The following COL25A1 variants were observed in gnomAD, a reference collection of about 807,000 sequenced individuals.
The protein encoded by COL25A1 is collagen alpha-1(XXV) chain.
In COL25A1, 103 loss-of-function variants were observed where a neutral mutation model predicts 128.4. The observed-to-expected ratio is 0.80, with a 90% CI of 0.68 to 0.94. The LOEUF is 0.94. Among genes scored for constraint, COL25A1 ranks in the 40% least tolerant of loss-of-function variants. The pLI is 0.00. For synonymous variants in COL25A1, 279 were observed against 277.2 expected (o/e 1.01, Z -0.06); for missense variants, 745 against 840.0 (o/e 0.89, Z 1.40).
chr4:108,835,012 A>G (rs1477762649), intron 31 of COL25A1, among the ~76,000 whole-genome samples: 1 of 152,216 alleles, frequency 6.6e-6, no homozygotes, highest in Non-Finnish European at 1.5e-5. Context: ...GGAAAGGGAA[A>G]AAGCCAGAAA....
chr4:108,984,310 G>A (rs1753399757), intron 6 of COL25A1, among the ~76,000 whole-genome samples: 1 of 152,216 alleles, frequency 6.6e-6, no homozygotes, highest in South Asian at 2.1e-4. Context: ...ACCAGACTCA[G>A]GAGCCCAGCT....
chr4:109,196,035 T>C (rs1179723904), intron 3 of COL25A1, among the ~76,000 whole-genome samples: 1 of 152,222 alleles, frequency 6.6e-6, no homozygotes, highest in Non-Finnish European at 1.5e-5. Flanking sequence ...AAGAAGGTAA[T>C]TGACCAAAGA....
intron 3 of COL25A1, among the ~76,000 whole-genome samples, chr4:109,272,906 G>T (rs974201137): frequency 3.3e-5 from 5 of 152,172 alleles, no homozygotes; most frequent in African/African-American, 1.2e-4. Context: ...CCATGGCTGG[G>T]TATTAAGTAC....
At chr4:109,136,464 C>A (rs1452917414) in intron 3 of COL25A1, among the ~76,000 whole-genome samples, 1 of 152,168 alleles carries the variant, frequency 6.6e-6, no homozygotes, top group African/African-American at 2.4e-5. Context: ...AGCAAGAGCT[C>A]CTACCCAAAT....
intron 3 of COL25A1, among the ~76,000 whole-genome samples, chr4:109,190,801 T>A (rs1399695160): frequency 6.6e-6 from 1 of 152,148 alleles, no homozygotes; most frequent in East Asian, 1.9e-4. Context: ...ATCTCCTCTC[T>A]ATATAGGCCT....
intron 6 of COL25A1, among the ~76,000 whole-genome samples, chr4:109,001,768 TG>T (rs1755438114): frequency 6.6e-6 from 1 of 152,184 alleles, no homozygotes; most frequent in Non-Finnish European, 1.5e-5. Context: ...ATTACCCAGA[TG>T]TGCAGGTGGA....
intron 6 of COL25A1, among the ~76,000 whole-genome samples, chr4:109,009,772 C>G (rs1481449390): frequency 6.6e-6 from 1 of 152,104 alleles, no homozygotes; most frequent in African/African-American, 2.4e-5. Context: ...TTTCTGAAAA[C>G]TCACGTATTT....
intron 3 of COL25A1, among the ~76,000 whole-genome samples, chr4:109,220,455 G>A (rs1778331180): frequency 6.6e-6 from 1 of 152,150 alleles, no homozygotes; most frequent in Non-Finnish European, 1.5e-5. Flanking sequence ...TTTTACACCA[G>A]ACACACTGTG....
At chr4:108,847,802 A>C (rs549537243) in intron 27 of COL25A1, among the ~76,000 whole-genome samples, 1 of 152,304 alleles carries the variant, frequency 6.6e-6, no homozygotes, top group African/African-American at 2.4e-5. Context: ...TTATTTCAGC[A>C]TATAACTCTG....
At chr4:109,062,914 A>G (rs1762099622) in intron 3 of COL25A1, among the ~76,000 whole-genome samples, 1 of 152,252 alleles carries the variant, frequency 6.6e-6, no homozygotes, top group Admixed American at 6.5e-5. Context: ...TTTTATGCTG[A>G]GATAAAAATG....
chr4:108,941,341 A>G, intron 9 of COL25A1, 25 bp downstream of exon 9: 1 of 1,592,356 alleles, frequency 6.3e-7, no homozygotes, highest in Non-Finnish European at 8.6e-7. Context: ...AGAAGAAATC[A>G]GACTTCAGCA....
chr4:108,999,649 A>G (rs1346959964), intron 6 of COL25A1, among the ~76,000 whole-genome samples: 1 of 152,204 alleles, frequency 6.6e-6, no homozygotes, highest in East Asian at 1.9e-4. Context: ...TCATGCTACT[A>G]TAAAGACACA....
At chr4:109,188,866 A>C (rs1181930255) in intron 3 of COL25A1, among the ~76,000 whole-genome samples, 1 of 152,150 alleles carries the variant, frequency 6.6e-6, no homozygotes, top group Admixed American at 6.5e-5. Flanking sequence ...TGATTAAAAG[A>C]CCATGGGATA....
At position 109,137,051 on chromosome 4, in the gene COL25A1, C is replaced by T. The variant is rs527885629; in HGVS notation, c.368-86872G>A. Among the ~76,000 whole-genome samples, 13 of 152,294 alleles carry T rather than the reference C, an allele frequency of 8.5e-5. No homozygotes were observed. The South Asian group carries it at 2.7e-3, about 32-fold the overall frequency. The stretch of plus-strand genomic sequence containing the variant: ...AGACCCGGAGTCAGAACACCCATTC[C>T]TAGACACCTGACCCACAGAAACTGT... On this transcript the variant is annotated intron_variant, in intron 3 of 37. Transcript: ENST00000399132.
intron 11 of COL25A1, among the ~76,000 whole-genome samples, chr4:108,934,434 T>C (rs1481720331): frequency 6.6e-6 from 1 of 152,108 alleles, no homozygotes; most frequent in African/African-American, 2.4e-5. Context: ...TGTATACCTA[T>C]GTATCAAATC....
chr4:109,253,262 G>T (rs979139339), intron 3 of COL25A1, among the ~76,000 whole-genome samples: 1 of 152,180 alleles, frequency 6.6e-6, no homozygotes, highest in Non-Finnish European at 1.5e-5. Context: ...TATGGAGGCT[G>T]AAATGTTCCA....
chr4:109,278,847 A>G (rs1390297228), intron 3 of COL25A1, among the ~76,000 whole-genome samples: 1 of 152,204 alleles, frequency 6.6e-6, no homozygotes, highest in African/African-American at 2.4e-5. Context: ...ATTAACTTTT[A>G]TTTCTCACAG....
intron 13 of COL25A1, among the ~76,000 whole-genome samples, chr4:108,914,919 A>C (rs1233998227): frequency 6.6e-6 from 1 of 152,216 alleles, no homozygotes. Flanking sequence ...TGTCTAATTA[A>C]TACTACAAGG....
chr4:109,232,347 A>T lies in COL25A1; in HGVS notation c.367+68236T>A, dbSNP rs559821523. On this transcript the variant is annotated intron_variant, in intron 3 of 37. Transcript: ENST00000399132. The stretch of plus-strand genomic sequence containing the variant: ...TTCGTATTACTATTTCAGTCAATAA[A>T]AATTACAAGATGACTTTAGATATTG... 5.2e-4 allele frequency among the ~76,000 whole-genome samples: 60 copies of T among 114,654 alleles called. 1 individual carries two copies. Among genetic ancestry groups the T allele is most frequent in the African/African-American group, 2.1e-3 (58 of 27,202 alleles). The allele number at this position is 114,654 out of a possible 152,430, so 75.2% of individuals were successfully genotyped here.
Sources: allele counts gnomAD v4.1 joint callset (sites outside exome capture counted in the v4.1 genomes callset), GRCh38; gene constraint gnomAD v4.1.1; transcripts MANE v1.5; gene names NCBI Gene and HGNC (gene_info 2026-07-23, HGNC 2026-07-21).